TNFSF11: variants seen among roughly 807,000 people sequenced by gnomAD.
The protein encoded by TNFSF11 is TNF superfamily member 11.
In TNFSF11, 12 loss-of-function variants were observed where a neutral mutation model predicts 32.2. That is an observed-to-expected ratio of 0.37 (90% CI 0.24 to 0.60). TNFSF11 has a LOEUF of 0.60. TNFSF11 is among the 20% of genes least tolerant of loss of function. The pLI, the probability that TNFSF11 is intolerant of heterozygous loss-of-function variation, is 0.66. For synonymous variants in TNFSF11, 172 were observed against 152.1 expected (o/e 1.13, Z -0.96); for missense variants, 345 against 398.0 (o/e 0.87, Z 1.13).
At chr13:42,605,688 A>T (rs1219545591) in intron 4 of TNFSF11, among the ~76,000 whole-genome samples, 3 of 152,214 alleles carry the variant, frequency 2.0e-5, no homozygotes, top group Non-Finnish European at 4.4e-5. Flanking sequence ...AGTCAGGAGA[A>T]GCTTTACAGA....
chr13:42,593,772 C>T (rs911109818), intron 2 of TNFSF11, among the ~76,000 whole-genome samples: 4 of 152,184 alleles, frequency 2.6e-5, no homozygotes, highest in South Asian at 2.1e-4. Context: ...ATCTGGCAAA[C>T]GGGGTGTTAA....
At chr13:42,574,751 C>G (rs926057960) in intron 1 of TNFSF11, among the ~76,000 whole-genome samples, 7 of 152,198 alleles carry the variant, frequency 4.6e-5, no homozygotes, top group Admixed American at 4.6e-4. Context: ...CTTCTCGGTG[C>G]TCTGGGGGCG....
At chr13:42,595,816 T>G (rs1178089530) in intron 2 of TNFSF11, among the ~76,000 whole-genome samples, 2 of 152,380 alleles carry the variant, frequency 1.3e-5, no homozygotes, top group Non-Finnish European at 2.9e-5. Flanking sequence ...GGATATTCTT[T>G]TGTAGTATTT....
At chr13:42,605,676 T>A (rs1369334182) in intron 4 of TNFSF11, among the ~76,000 whole-genome samples, 1 of 152,188 alleles carries the variant, frequency 6.6e-6, no homozygotes, top group African/African-American at 2.4e-5. Flanking sequence ...AGAATTCTGG[T>A]CAGTCAGGAG....
chr13:42,586,203 T>G (rs1353193906), intron 2 of TNFSF11, among the ~76,000 whole-genome samples: 4 of 152,266 alleles, frequency 2.6e-5, no homozygotes, highest in African/African-American at 9.6e-5. Context: ...GATCATGGAG[T>G]GAAGCTGCAA....
At chr13:42,592,536 G>C (rs1868545404) in intron 2 of TNFSF11, among the ~76,000 whole-genome samples, 1 of 152,206 alleles carries the variant, frequency 6.6e-6, no homozygotes, top group African/African-American at 2.4e-5. Flanking sequence ...CACCTGCTAG[G>C]AAGGCAGTGG....
At chr13:42,596,465 T>C (rs906210065) in intron 2 of TNFSF11, among the ~76,000 whole-genome samples, 1 of 152,154 alleles carries the variant, frequency 6.6e-6, no homozygotes, top group South Asian at 2.1e-4. Flanking sequence ...TGGTATTTTG[T>C]CCCAGCTTTC....
chr13:42,593,635 G>A (rs1868625082), intron 2 of TNFSF11, among the ~76,000 whole-genome samples: 2 of 152,244 alleles, frequency 1.3e-5, no homozygotes, highest in African/African-American at 2.4e-5. Flanking sequence ...TGGCATTCAT[G>A]TGCTAACTCG....
chr13:42,577,579 C>T (rs1351246069), intron 1 of TNFSF11, among the ~76,000 whole-genome samples: 1 of 152,076 alleles, frequency 6.6e-6, no homozygotes, highest in East Asian at 1.9e-4. Context: ...TCCATATAAC[C>T]ATATTCAAAG....
In TNFSF11 at chr13:42,606,486, C is replaced by G; in HGVS notation, c.533-11C>G. ...ACTGACTTTCAAATCTTATGCCTCT[C>G]TTCTCCACAGGTTCCCATAAAGTGA... On this transcript the variant is annotated splice_polypyrimidine_tract_variant and intron_variant, in intron 4 of 4. Coordinates refer to ENST00000398795, the MANE Select transcript of TNFSF11 (RefSeq NM_003701.4). 1 of 1,614,214 alleles carries G rather than the reference C, an allele frequency of 6.2e-7. No individual in the cohort carries two copies.
intron 2 of TNFSF11, among the ~76,000 whole-genome samples, chr13:42,589,702 G>T (rs1009478422): frequency 6.6e-6 from 1 of 152,090 alleles, no homozygotes; most frequent in African/African-American, 2.4e-5. Context: ...ATACCCTTTC[G>T]CCTCTCTGCC....
At position 42,574,384 on chromosome 13, in the gene TNFSF11, G is replaced by C. The variant is rs982726281; in HGVS notation, c.81G>C (p.Glu27Asp). 19 of 1,547,334 alleles carry C rather than the reference G, an allele frequency of 1.2e-5. No homozygotes were observed. The highest frequency in any genetic ancestry group is 1.7e-5 in the Non-Finnish European group (19 of 1,148,046). Reference sequence around the variant, plus strand: ...GCGGCGGCCCCGGAGCCCCGCACGAGGGCCCCCTGCACGCCCCGCCGCCGC... The same window carrying C: ...GCGGCGGCCCCGGAGCCCCGCACGACGGCCCCCTGCACGCCCCGCCGCCGC... The part of the protein sequence containing the change: ...EMGGGPGAPH[E>D]GPLHAPPPPA... The change falls in exon 1 of 5, where the codon GAG (glutamate) becomes GAC (aspartate). Residue 27 changes from glutamate to aspartate, a missense_variant. Around this residue, in one of 2 missense-constraint regions of TNFSF11, gnomAD observed 197 missense variants for 182.0 expected, o/e 1.08. Transcript: ENST00000398795.
At chr13:42,564,488 A>C (rs532431767) in intron 1 of TNFSF11, among the ~76,000 whole-genome samples, 116 of 152,240 alleles carry the variant, frequency 7.6e-4, no homozygotes, top group Middle Eastern at 3.4e-3. Flanking sequence ...AATTGCTTGA[A>C]TCCAGAAGGT....
chr13:42,582,559 C>T (rs568998672), intron 2 of TNFSF11, among the ~76,000 whole-genome samples: 61 of 152,210 alleles, frequency 4.0e-4, no homozygotes, highest in African/African-American at 1.3e-3. Context: ...GATATCAAAA[C>T]GTTAAAAAGT....
chr13:42,606,351 C>T lies in TNFSF11; in HGVS notation c.533-146C>T, dbSNP rs1453414356. The T allele has an allele frequency of 1.0e-5, 10 of 994,058 alleles. No individual in the cohort carries two copies. The South Asian group carries it at 1.5e-4, about 15-fold the overall frequency. The allele number at this position is 994,058 out of a possible 1,614,324, so 61.6% of individuals were successfully genotyped here. Reference sequence around the variant, plus strand: ...CAAGTACATCTGAATGTATTCTCCCCTTCTAGAAAAGAAATGCCAATAAGT... The same window carrying T: ...CAAGTACATCTGAATGTATTCTCCCTTTCTAGAAAAGAAATGCCAATAAGT... On this transcript the variant is annotated intron_variant, in intron 4 of 4. Coordinates refer to ENST00000398795, the MANE Select transcript of TNFSF11 (RefSeq NM_003701.4).
At chr13:42,575,377 T>C (rs929615243) in intron 1 of TNFSF11, among the ~76,000 whole-genome samples, 3 of 152,230 alleles carry the variant, frequency 2.0e-5, no homozygotes, top group African/African-American at 7.2e-5. Context: ...TATGCTCTTG[T>C]GTTTTCTTGG....
intron 1 of TNFSF11, chr13:42,566,481 G>A (rs530675686): frequency 6.6e-6 from 1 of 152,448 alleles, no homozygotes; most frequent in Admixed American, 6.5e-5. Flanking sequence ...AGAAAGTTTG[G>A]TAAAGAAACA....
At chr13:42,604,930 C>T (rs1369127882) in intron 4 of TNFSF11, among the ~76,000 whole-genome samples, 1 of 152,084 alleles carries the variant, frequency 6.6e-6, no homozygotes, top group East Asian at 1.9e-4. Context: ...ATTACGGGCG[C>T]CTGCCACCGC....
chr13:42,583,108 A>T (rs1021296600), intron 2 of TNFSF11, among the ~76,000 whole-genome samples: 1 of 152,120 alleles, frequency 6.6e-6, no homozygotes, highest in Non-Finnish European at 1.5e-5. Flanking sequence ...TAATTCTGAA[A>T]ATAAATAATA....
Sources: gnomAD v4.1 joint callset for allele counts (sites outside exome capture counted in the v4.1 genomes callset) on GRCh38, gnomAD v4.1.1 for gene constraint, gnomAD v4.1.1 regional missense constraint, MANE v1.5 for transcripts, NCBI Gene and HGNC (gene_info 2026-07-23, HGNC 2026-07-21) for gene names.